LRRC4C: variants seen among roughly 807,000 people sequenced by gnomAD.
LRRC4C encodes leucine rich repeat containing 4C, also known as leucine-rich repeat-containing protein 4C.
Under a neutral mutation model 33.6 loss-of-function variants are expected in LRRC4C, and 5 were observed. That is an observed-to-expected ratio of 0.15 (90% CI 0.08 to 0.31). The LOEUF (loss-of-function observed/expected upper bound fraction) is 0.31, where lower values mean the gene tolerates loss of function less well. Among genes scored for constraint, LRRC4C ranks in the 10% least tolerant of loss-of-function variants. The pLI is 1.00. For missense variants in LRRC4C, 560 were observed against 796.7 expected (o/e 0.70, Z 3.58); for synonymous variants, 329 against 302.0 (o/e 1.09, Z -0.93).
At chr11:40,437,790 C>T (rs1436269239) in intron 3 of LRRC4C, among the ~76,000 whole-genome samples, 3 of 152,188 alleles carry the variant, frequency 2.0e-5, no homozygotes, top group East Asian at 3.9e-4. Context: ...TTACTGCAAA[C>T]TCTGCCTTCC....
At chr11:40,622,603 A>C (rs2135960302) in intron 3 of LRRC4C, among the ~76,000 whole-genome samples, 1 of 152,054 alleles carries the variant, frequency 6.6e-6, no homozygotes, top group South Asian at 2.1e-4. Context: ...TGCACATTTC[A>C]GTTTCTAAAA....
At chr11:40,215,533 T>C (rs1452481) in intron 5 of LRRC4C, among the ~76,000 whole-genome samples, 140,494 of 152,236 alleles carry the variant, frequency 0.92, 65,526 homozygotes, top group South Asian at 0.99. Context: ...CTAAATTCTA[T>C]CCTTAGGGGT....
At chr11:40,369,111 C>T (rs775424261) in intron 3 of LRRC4C, among the ~76,000 whole-genome samples, 32 of 152,120 alleles carry the variant, frequency 2.1e-4, no homozygotes, top group Non-Finnish European at 4.3e-4. Context: ...CTGTCAGGTA[C>T]CAAGTGTGGA....
rs1940028607 is a variant in LRRC4C, at chr11:41,086,840, A to G, written c.-495-153117T>C. Reference sequence around the variant, plus strand: ...AAGTTTGACTGCTGTCGATGTATGGAATAAAGCCAAACAAGATTAATAAGT... The same window carrying G: ...AAGTTTGACTGCTGTCGATGTATGGGATAAAGCCAAACAAGATTAATAAGT... On this transcript the variant is annotated intron_variant, in intron 1 of 6. Transcript: ENST00000528697. 5.9e-5 allele frequency among the ~76,000 whole-genome samples: 9 copies of G among 152,206 alleles called. No homozygotes were observed. In the South Asian group the frequency reaches 1.9e-3, roughly 32 times the overall value.
intron 2 of LRRC4C, among the ~76,000 whole-genome samples, chr11:40,711,828 G>C (rs1007926843): frequency 9.9e-5 from 15 of 151,948 alleles, no homozygotes; most frequent in African/African-American, 3.6e-4. Context: ...TAATTTATAA[G>C]TTGGAAACAT....
chr11:40,823,370 A>C (rs1361043926), intron 2 of LRRC4C, among the ~76,000 whole-genome samples: 1 of 151,772 alleles, frequency 6.6e-6, no homozygotes, highest in Admixed American at 6.6e-5. Flanking sequence ...GCTTCAGAAG[A>C]CAAGGAATGA....
At chr11:41,086,194 T>C (rs953667801) in intron 1 of LRRC4C, among the ~76,000 whole-genome samples, 7 of 152,272 alleles carry the variant, frequency 4.6e-5, no homozygotes, top group Admixed American at 4.6e-4. Context: ...CTTATTTTCA[T>C]TATTTCAAAG....
intron 1 of LRRC4C, among the ~76,000 whole-genome samples, chr11:41,011,256 G>T (rs1855156792): frequency 6.6e-6 from 1 of 151,910 alleles, no homozygotes; most frequent in Admixed American, 6.6e-5. Flanking sequence ...TTTACCTAAT[G>T]GGGGCTAACA....
intron 3 of LRRC4C, among the ~76,000 whole-genome samples, chr11:40,391,858 G>T (rs1199575037): frequency 6.6e-6 from 1 of 152,146 alleles, no homozygotes; most frequent in Non-Finnish European, 1.5e-5. Context: ...GTTCCTAGCA[G>T]CTTTAAACAT....
At chr11:41,069,745 C>G (rs1938538670) in intron 1 of LRRC4C, among the ~76,000 whole-genome samples, 1 of 152,062 alleles carries the variant, frequency 6.6e-6, no homozygotes, top group Non-Finnish European at 1.5e-5. Context: ...AACTACAAAC[C>G]ACTGCTCAAG....
At chr11:40,269,154 C>G (rs1312525649) in intron 4 of LRRC4C, among the ~76,000 whole-genome samples, 1 of 152,154 alleles carries the variant, frequency 6.6e-6, no homozygotes, top group Admixed American at 6.5e-5. Context: ...CAGCTGTACT[C>G]CTCATGCTAC....
intron 2 of LRRC4C, among the ~76,000 whole-genome samples, chr11:40,759,634 A>G (rs1469201979): frequency 6.6e-6 from 1 of 152,018 alleles, no homozygotes; most frequent in Non-Finnish European, 1.5e-5. Context: ...CTATTACACC[A>G]GTAATGAAAT....
rs77633606 is a variant in LRRC4C at position 40,645,281 on chromosome 11, C to T, written c.-270+2861G>A. On this transcript the variant is annotated intron_variant, in intron 3 of 6. Coordinates refer to ENST00000528697, the MANE Select transcript of LRRC4C (RefSeq NM_001258419.2). ...GTGAATTGAGCCAATCATATTCTCT[C>T]TTTTGAAAATTTAAACACACAGACA... is the stretch of plus-strand genomic sequence containing the variant. Among the ~76,000 whole-genome samples, 1,432 of 152,260 alleles carry T rather than the reference C, an allele frequency of 9.4e-3. 23 individuals are homozygous for T. The highest frequency in any genetic ancestry group is 0.032 in the African/African-American group (1,332 of 41,554).
chr11:40,945,174 C>A (rs369576969), intron 1 of LRRC4C, among the ~76,000 whole-genome samples: 1 of 151,552 alleles, frequency 6.6e-6, no homozygotes, highest in Non-Finnish European at 1.5e-5. Flanking sequence ...GGACTACAGG[C>A]GCCCACCACC....
intron 2 of LRRC4C, among the ~76,000 whole-genome samples, chr11:40,924,968 G>T (rs920802975): frequency 1.3e-5 from 2 of 152,254 alleles, no homozygotes; most frequent in East Asian, 1.9e-4. Flanking sequence ...GAAAGGCGCA[G>T]AAAATTTGAC....
intron 5 of LRRC4C, among the ~76,000 whole-genome samples, chr11:40,228,859 G>T (rs570074394): frequency 6.6e-6 from 1 of 152,264 alleles, no homozygotes; most frequent in South Asian, 2.1e-4. Flanking sequence ...GATCTGTTTA[G>T]GTTGGCTGTA....
At chr11:40,451,106 T>C (rs997004756) in intron 3 of LRRC4C, among the ~76,000 whole-genome samples, 2 of 150,714 alleles carry the variant, frequency 1.3e-5, no homozygotes, top group Non-Finnish European at 3.0e-5. Context: ...TATTTAACAA[T>C]GAAAAAAAAC....
rs191117341 is a variant in LRRC4C at position 40,247,886 on chromosome 11, G to A, written c.-175-6288C>T. Reference sequence around the variant, plus strand: ...ATGACTGTAAGACAACTGAAACTAGGGAGTCTGGAAAGCTTCCTCTCCTTA... The same window carrying A: ...ATGACTGTAAGACAACTGAAACTAGAGAGTCTGGAAAGCTTCCTCTCCTTA... On this transcript the variant is annotated intron_variant, in intron 4 of 6. Transcript: ENST00000528697. Among the ~76,000 whole-genome samples, 596 of 152,244 alleles carry A rather than the reference G, an allele frequency of 3.9e-3. 4 individuals are homozygous for A. The highest frequency in any genetic ancestry group is 0.01 in the Admixed American group (154 of 15,292).
intron 3 of LRRC4C, among the ~76,000 whole-genome samples, chr11:40,367,082 C>T (rs140793794): frequency 7.9e-5 from 12 of 152,030 alleles, no homozygotes; most frequent in African/African-American, 2.9e-4. Context: ...TATTTAATAC[C>T]TGCATCCTCA....
Sources: gnomAD v4.1 joint callset for allele counts (sites outside exome capture counted in the v4.1 genomes callset) on GRCh38, gnomAD v4.1.1 for gene constraint, MANE v1.5 for transcripts, NCBI Gene and HGNC (gene_info 2026-07-23, HGNC 2026-07-21) for gene names.